Variants in BUB1B observed in about 807,000 individuals in gnomAD.
BUB1B encodes the protein mitotic checkpoint serine/threonine-protein kinase BUB1 beta.
BUB1B carries 86 observed loss-of-function variants against 137.7 expected under a neutral mutation model. The observed-to-expected ratio is 0.62, with a 90% CI of 0.52 to 0.75. The LOEUF (loss-of-function observed/expected upper bound fraction) is 0.75. Ranked by LOEUF, BUB1B falls within the 30% of genes least tolerant of loss-of-function variation. BUB1B has a pLI of 0.00. For synonymous variants in BUB1B, 420 were observed against 417.9 expected (o/e 1.00, Z -0.06); for missense variants, 1,130 against 1,236.9 (o/e 0.91, Z 1.30).
intron 5 of BUB1B, among the ~76,000 whole-genome samples, chr15:40,182,203 C>CA (rs2037302999): frequency 6.6e-6 from 1 of 152,142 alleles, no homozygotes. Context: ...GACTCCATCT[C>CA]AAAAAACAAA....
At chr15:40,200,414 C>T in intron 11 of BUB1B, 55 bp downstream of exon 11, 2 of 1,332,190 alleles carry the variant, frequency 1.5e-6, no homozygotes, top group Non-Finnish European at 2.2e-6. Flanking sequence ...TTAGAACCAA[C>T]CTTTGACTCT....
At chr15:40,169,283 T>C (rs2037134509) in intron 2 of BUB1B, among the ~76,000 whole-genome samples, 1 of 152,192 alleles carries the variant, frequency 6.6e-6, no homozygotes, top group African/African-American at 2.4e-5. Context: ...GAAGTTTTTT[T>C]TGAACTTTAA....
intron 14 of BUB1B, among the ~76,000 whole-genome samples, chr15:40,204,227 T>A (rs183194509): frequency 7.2e-4 from 109 of 152,350 alleles, no homozygotes; most frequent in African/African-American, 2.5e-3. Context: ...CATGTATTTT[T>A]GTCTTTTTAA....
At chr15:40,190,532 T>G (rs2037423091) in intron 8 of BUB1B, among the ~76,000 whole-genome samples, 1 of 152,210 alleles carries the variant, frequency 6.6e-6, no homozygotes, top group Admixed American at 6.5e-5. Context: ...GAGGATTGTT[T>G]GTGCCCAGGA....
chr15:40,198,320 T>TGGGC (rs1263252759), intron 9 of BUB1B, among the ~76,000 whole-genome samples: 1 of 151,826 alleles, frequency 6.6e-6, no homozygotes, highest in Non-Finnish European at 1.5e-5. Context: ...CAAGCTATCC[T>TGGGC]TCCCACCTTG....
chr15:40,202,688 T>G lies in BUB1B; in HGVS notation c.1728T>G (p.Asp576Glu), dbSNP rs559358302. The change falls in exon 14 of 23, where the codon GAT becomes GAG. Residue 576 changes from aspartate to glutamate, a missense_variant. Asp to Glu is a conservative substitution (Grantham distance 45, BLOSUM62 2). Coordinates refer to ENST00000287598, the MANE Select transcript of BUB1B (RefSeq NM_001211.6). ...CCTCAAATGAAGATGTGTCTCCAGA[T>G]GTTTGTGTAAGGAGCAGTATCCTTA... ...SITSNEDVSP[D>E]VCDEFTGIEP... The G allele has an allele frequency of 1.2e-6, 2 of 1,612,096 alleles. No homozygotes were observed. Among genetic ancestry groups the G allele is most frequent in the African/African-American group, 2.7e-5 (2 of 74,974 alleles).
At chr15:40,177,263 A>G (rs1287863910) in intron 5 of BUB1B, among the ~76,000 whole-genome samples, 1 of 152,068 alleles carries the variant, frequency 6.6e-6, no homozygotes, top group Non-Finnish European at 1.5e-5. Context: ...TCTTGTATGG[A>G]TCGTGCTTTT....
Position 40,193,634 on chromosome 15 carries a change from C to T in BUB1B, c.1059-2911C>T, listed in dbSNP as rs534634070. 2.0e-5 allele frequency among the ~76,000 whole-genome samples: 3 copies of T among 151,576 alleles called. No homozygotes were observed. The South Asian group carries it at 6.2e-4, about 31-fold the overall frequency. ...TTTTGAAGACAGGGTCTCAGCCGGG[C>T]GTGGTGGCTCATGCTTGTAATCCCA... On this transcript the variant is annotated intron_variant, in intron 8 of 22. Coordinates refer to ENST00000287598, the MANE Select transcript of BUB1B (RefSeq NM_001211.6).
At chr15:40,162,665 T>G (rs1425541054) in intron 1 of BUB1B, among the ~76,000 whole-genome samples, 1 of 152,144 alleles carries the variant, frequency 6.6e-6, no homozygotes, top group Non-Finnish European at 1.5e-5. Context: ...ATTTTTGGCT[T>G]GGGTAACTGA....
chr15:40,169,170 C>T (rs909351895), intron 2 of BUB1B, among the ~76,000 whole-genome samples: 2 of 152,136 alleles, frequency 1.3e-5, no homozygotes, highest in Non-Finnish European at 2.9e-5. Context: ...TTGGTCTTAG[C>T]CCTCTGCCTT....
intron 9 of BUB1B, 33 bp downstream of exon 9, chr15:40,196,807 A>G (rs1388378554): frequency 6.3e-7 from 1 of 1,596,776 alleles, no homozygotes; most frequent in Non-Finnish European, 8.6e-7. Flanking sequence ...AAGAGGACTT[A>G]ACTTAGTTGT....
Position 40,212,821 on chromosome 15 carries a change from AT to A in BUB1B, c.2535+180del, listed in dbSNP as rs751308197. 1.1e-4 allele frequency among the ~76,000 whole-genome samples: 16 copies of A among 152,234 alleles called. No homozygotes were observed. In the East Asian group the frequency reaches 2.1e-3, roughly 20 times the overall value. On this transcript the variant is annotated intron_variant, in intron 19 of 22. Transcript: ENST00000287598. ...TATTTTGACCAAAGATCTCTTTGGT[AT>A]TTTTTTAACTTTTTTTGGTCCGTTG...
chr15:40,163,943 A>C (rs2037066353), intron 1 of BUB1B, among the ~76,000 whole-genome samples: 1 of 152,216 alleles, frequency 6.6e-6, no homozygotes, highest in African/African-American at 2.4e-5. Flanking sequence ...GATTAGTGCC[A>C]ATGTGTCTCT....
rs1057312685 is a variant in BUB1B at position 40,181,642 on chromosome 15, T to G, written c.582-2072T>G. On this transcript the variant is annotated intron_variant, in intron 5 of 22. Transcript: ENST00000287598. ...ATCATTCCATAGGTCCCTGAAGCTC[T>G]GTTTAACCATTTTTCTTTTTGTTTT... is the stretch of plus-strand genomic sequence containing the variant. 3.4e-5 allele frequency among the ~76,000 whole-genome samples: 5 copies of G among 145,102 alleles called. No homozygotes were observed. In the Admixed American group the frequency reaches 3.5e-4, roughly 10 times the overall value.
chr15:40,161,875 A>G (rs1356040442), intron 1 of BUB1B, among the ~76,000 whole-genome samples: 1 of 152,206 alleles, frequency 6.6e-6, no homozygotes, highest in East Asian at 1.9e-4. Flanking sequence ...CAATACCTAG[A>G]TAAGTGCTAT....
intron 4 of BUB1B, among the ~76,000 whole-genome samples, chr15:40,173,754 A>C (rs1324441652): frequency 6.6e-6 from 1 of 152,240 alleles, no homozygotes; most frequent in Non-Finnish European, 1.5e-5. Context: ...GATCAGCACT[A>C]GAATGATCAG....
chr15:40,169,717 C>T (rs556406452), intron 2 of BUB1B, among the ~76,000 whole-genome samples: 1 of 147,532 alleles, frequency 6.8e-6, no homozygotes, highest in South Asian at 2.1e-4. Context: ...GGTTCAAGTG[C>T]TCTTCCCACC....
chr15:40,209,886 T>C, intron 17 of BUB1B, 111 bp downstream of exon 17: 1 of 1,414,688 alleles, frequency 7.1e-7, no homozygotes, highest in Non-Finnish European at 9.9e-7. Context: ...ATTGTATTTT[T>C]TAAAAAAGCA....
chr15:40,170,777 A>G, intron 4 of BUB1B, 96 bp downstream of exon 4: 2 of 1,217,894 alleles, frequency 1.6e-6, no homozygotes, highest in Non-Finnish European at 2.4e-6. Flanking sequence ...TAAAACAGCC[A>G]TTTTGAACCA....
Sources: gnomAD v4.1 joint callset for allele counts (sites outside exome capture counted in the v4.1 genomes callset) on GRCh38, gnomAD v4.1.1 for gene constraint, MANE v1.5 for transcripts, NCBI Gene and HGNC (gene_info 2026-07-23, HGNC 2026-07-21) for gene names.